The following METTL21A variants were observed in gnomAD, a reference collection of about 807,000 sequenced individuals.
METTL21A encodes protein N-lysine methyltransferase METTL21A.
METTL21A carries 22 observed loss-of-function variants against 20.9 expected under a neutral mutation model. The observed-to-expected ratio is 1.05, with a 90% CI of 0.75 to 1.50. The LOEUF is 1.50. Ranked by LOEUF, METTL21A falls within the 40% of genes most tolerant of loss-of-function variation. The pLI, the probability that METTL21A is intolerant of heterozygous loss-of-function variation, is 0.00. For synonymous variants in METTL21A, 93 were observed against 102.0 expected, an observed-to-expected ratio of 0.91 and a Z score of 0.53; for missense variants, 271 against 266.8, an observed-to-expected ratio of 1.02 and a Z score of -0.11.
intron 3 of METTL21A, chr2:207,602,567 T>C (rs902169497): frequency 2.4e-5 from 5 of 211,672 alleles, no homozygotes; most frequent in African/African-American, 1.1e-4. Context: ...CTGAGTTAGC[T>C]TAAAAATTGG....
At chr2:207,614,327 C>G (rs191970332) in intron 3 of METTL21A, among the ~76,000 whole-genome samples, 4 of 151,230 alleles carry the variant, frequency 2.6e-5, no homozygotes, top group African/African-American at 9.7e-5. Flanking sequence ...TATGGGAGAT[C>G]GAGGCTGCAG....
intron 3 of METTL21A, among the ~76,000 whole-genome samples, chr2:207,592,159 A>G (rs971490710): frequency 3.9e-5 from 6 of 152,250 alleles, no homozygotes; most frequent in Non-Finnish European, 7.4e-5. Context: ...GACTTTAAAG[A>G]TGTCACTTAA....
intron 3 of METTL21A, among the ~76,000 whole-genome samples, chr2:207,617,161 A>C (rs574651617): frequency 4.4e-4 from 67 of 152,348 alleles, no homozygotes; most frequent in African/African-American, 1.5e-3. Flanking sequence ...TTTTCGTTTT[A>C]GTTTTATAAC....
At chr2:207,613,108 C>T (rs374672393) in exon 4 of METTL21A, 6 of 1,604,872 alleles carry the variant, frequency 3.7e-6, no homozygotes, top group South Asian at 1.1e-5. Flanking sequence ...TTTTCAGGAT[C>T]GTAGTGAACC....
chr2:207,587,983 G>A (rs2084199412), intron 3 of METTL21A, among the ~76,000 whole-genome samples: 1 of 152,178 alleles, frequency 6.6e-6, no homozygotes. Context: ...TAAGTTTGAG[G>A]TGATGGATAT....
At chr2:207,585,142 T>C (rs561750485) in intron 3 of METTL21A, among the ~76,000 whole-genome samples, 1 of 152,302 alleles carries the variant, frequency 6.6e-6, no homozygotes, top group East Asian at 1.9e-4. Flanking sequence ...CACTATCACA[T>C]TGGCCACCCA....
chr2:207,586,016 G>A (rs1180138443), intron 3 of METTL21A, among the ~76,000 whole-genome samples: 3 of 152,068 alleles, frequency 2.0e-5, no homozygotes, highest in Non-Finnish European at 4.4e-5. Context: ...ATACAGGAAG[G>A]TCATATGTAC....
rs758511365 is a variant in METTL21A at position 207,624,311 on chromosome 2, G to T, written c.65C>A (p.Ala22Glu). 19 of 1,613,996 alleles carry T rather than the reference G, an allele frequency of 1.2e-5. No individual in the cohort carries two copies. The East Asian group carries it at 3.8e-4, about 32-fold the overall frequency. Residue 22 changes from alanine to glutamate, a missense_variant, in exon 2 of 4, where the codon GCA becomes GAA. By Grantham distance (107) the Ala-to-Glu change is moderately radical. Coordinates refer to ENST00000406927, the Ensembl canonical transcript of METTL21A. Reference sequence around the variant, plus strand: ...CGTGTGGTTTGCAAAGGAAAAAGTTGCAAGAGGCTTGTGGAATTTCTGCAA... The same window carrying T: ...CGTGTGGTTTGCAAAGGAAAAAGTTTCAAGAGGCTTGTGGAATTTCTGCAA...
intron 3 of METTL21A, 35 bp downstream of exon 3, chr2:207,621,771 T>C: frequency 1.3e-6 from 2 of 1,557,038 alleles, no homozygotes; most frequent in Non-Finnish European, 8.9e-7. Context: ...TCTCAATGAG[T>C]TCTGCTCACT....
exon 4 of METTL21A, chr2:207,581,868 T>C: frequency 4.3e-6 from 3 of 702,974 alleles, no homozygotes; most frequent in Non-Finnish European, 5.2e-6. Flanking sequence ...TCCTTGTCTT[T>C]GATGGCCTTG....
At chr2:207,598,554 T>C (rs1446157613) in intron 3 of METTL21A, 2 of 177,878 alleles carry the variant, frequency 1.1e-5, no homozygotes, top group Non-Finnish European at 2.4e-5. Flanking sequence ...AGGTTATAAT[T>C]TCTCATTTGG....
chr2:207,606,195 G>A (rs2088066612), downstream of METTL21A, among the ~76,000 whole-genome samples: 1 of 152,152 alleles, frequency 6.6e-6, no homozygotes, highest in South Asian at 2.1e-4. Flanking sequence ...AAGTTGGGCC[G>A]GGGTGCGGGT....
At chr2:207,602,170 T>C (rs2087174478) in intron 3 of METTL21A, 1 of 195,038 alleles carries the variant, frequency 5.1e-6, no homozygotes, top group South Asian at 1.9e-4. Flanking sequence ...AGGGACCAGA[T>C]AACGTTTGAA....
chr2:207,601,653 T>G (rs912063165), intron 3 of METTL21A: 2 of 212,374 alleles, frequency 9.4e-6, no homozygotes, highest in Admixed American at 1.2e-4. Context: ...GTACAAGACT[T>G]TTTAAAGCAA....
chr2:207,582,511 A>C (rs1330882285), intron 3 of METTL21A, among the ~76,000 whole-genome samples: 1 of 152,184 alleles, frequency 6.6e-6, no homozygotes, highest in African/African-American at 2.4e-5. Context: ...ATATTGTTCT[A>C]GCTTTGGCTA....
chr2:207,585,568 A>G (rs528993025), intron 3 of METTL21A, among the ~76,000 whole-genome samples: 1 of 152,344 alleles, frequency 6.6e-6, no homozygotes, highest in Non-Finnish European at 1.5e-5. Flanking sequence ...ATTTTCCACT[A>G]ACAGATCTCA....
At chr2:207,589,607 T>G (rs184878355) in intron 3 of METTL21A, among the ~76,000 whole-genome samples, 1 of 152,350 alleles carries the variant, frequency 6.6e-6, no homozygotes, top group African/African-American at 2.4e-5. Flanking sequence ...TAAAAAGCTC[T>G]TCATTACATT....
chr2:207,605,643 C>CT (rs1237781125), downstream of METTL21A, among the ~76,000 whole-genome samples: 5 of 152,100 alleles, frequency 3.3e-5, no homozygotes, highest in African/African-American at 7.2e-5. Context: ...CTCCCTCTCC[C>CT]TTTTTTTACA....
chr2:207,624,180 C>T, intron 2 of METTL21A, 49 bp downstream of exon 2: 1 of 1,523,876 alleles, frequency 6.6e-7, no homozygotes, highest in Non-Finnish European at 8.8e-7. Flanking sequence ...AAATAAAAGC[C>T]AGTCTTGCAA....
Sources: allele counts gnomAD v4.1 joint callset (sites outside exome capture counted in the v4.1 genomes callset), GRCh38; gene constraint gnomAD v4.1.1; transcripts MANE v1.5; gene names NCBI Gene and HGNC (gene_info 2026-07-23, HGNC 2026-07-21).